Variants in TRMT61B observed in about 807,000 individuals in gnomAD.
The protein encoded by TRMT61B is tRNA (adenine(58)-N(1))-methyltransferase, mitochondrial.
Under a neutral mutation model 52.0 loss-of-function variants are expected in TRMT61B, and 56 were observed. The ratio of observed to expected loss-of-function variants is 1.08; its 90% CI spans 0.87 to 1.35. The LOEUF is 1.35. Among genes scored for constraint, TRMT61B ranks in the 40% most tolerant of loss-of-function variants. The pLI is 0.00. For missense variants in TRMT61B, 650 were observed against 577.9 expected, an observed-to-expected ratio of 1.12 and a Z score of -1.28; for synonymous variants, 206 against 220.0, an observed-to-expected ratio of 0.94 and a Z score of 0.56.
rs1181190438 is a variant in TRMT61B, at chr2:28,865,104, G to A, written c.715C>T (p.Leu239Phe). 1.2e-6 allele frequency: 2 copies of A among 1,604,458 alleles called. No individual in the cohort carries two copies. Among genetic ancestry groups the A allele is most frequent in the Non-Finnish European group, 1.7e-6 (2 of 1,171,688 alleles). Residue 239 changes from leucine to phenylalanine, a missense_variant, in exon 2 of 7, where the codon CTC becomes TTC. By Grantham distance (22) the Leu-to-Phe change is conservative (BLOSUM62 0). Coordinates refer to ENST00000306108, the MANE Select transcript of TRMT61B (RefSeq NM_017910.4). The part of the protein sequence containing the change: ...ITFPKDINMI[L>F]SMMDINPGDT... ...CCTGGGTTGATATCCATCATTGAGAGAATCATATTAATATCCTATGATTGA... is the reference window on the plus strand; with the variant it reads ...CCTGGGTTGATATCCATCATTGAGAAAATCATATTAATATCCTATGATTGA...
Position 28,854,540 on chromosome 2 carries a change from G to A in TRMT61B, c.994-2041C>T, listed in dbSNP as rs1010965110. Among the ~76,000 whole-genome samples, 6 of 152,074 alleles carry A rather than the reference G, an allele frequency of 3.9e-5. 1 individual carries two copies. The highest frequency in any genetic ancestry group is 8.8e-5 in the Non-Finnish European group (6 of 68,020). ...GGATCACCTGAGGTCACGAGTTCAA[G>A]ACCAGCCTGGCCAACACGGCGAAAC... On this transcript the variant is annotated intron_variant, in intron 3 of 6. Transcript: ENST00000306108.
At position 28,850,115 on chromosome 2, in the gene TRMT61B, A is replaced by AATC; in HGVS notation, c.*81_*83dup. 7.4e-7 allele frequency: 1 copy of AATC among 1,348,980 alleles called. No homozygotes were observed. Among genetic ancestry groups the AATC allele is most frequent in the Non-Finnish European group, 1.0e-6 (1 of 961,896 alleles). The allele number at this position is 1,348,980 out of a possible 1,614,324, so 83.6% of individuals were successfully genotyped here. ...AGTCATAGTAATAGCTAAAAATGCCAATCTATGGAAGCAGTGATTTTCAAT... is the reference window on the plus strand; with the variant it reads ...AGTCATAGTAATAGCTAAAAATGCCAATCATCTATGGAAGCAGTGATTTTCAAT... On this transcript the variant is annotated 3_prime_UTR_variant, in exon 7 of 7. Transcript: ENST00000306108.
At chr2:28,865,176 T>A in intron 1 of TRMT61B, 57 bp from the exon 2 acceptor site, 1 of 950,696 alleles carries the variant, frequency 1.1e-6, no homozygotes, top group Non-Finnish European at 1.7e-6. Flanking sequence ...ACTAAGCACC[T>A]AGTCTTATCT....
intron 3 of TRMT61B, 108 bp from the exon 4 acceptor site, chr2:28,852,607 T>C: frequency 1.4e-6 from 1 of 700,512 alleles, no homozygotes; most frequent in Non-Finnish European, 2.4e-6. Flanking sequence ...TCAAAGTATT[T>C]CATTTTTTAG....
In TRMT61B at chr2:28,852,436, C is replaced by T. The variant is rs757220149; in HGVS notation, c.1057G>A (p.Gly353Ser). 6.2e-7 allele frequency: 1 copy of T among 1,610,484 alleles called. No individual in the cohort carries two copies. The highest frequency in any genetic ancestry group is 1.1e-5 in the South Asian group (1 of 90,826). The change falls in exon 4 of 7, where the codon GGT becomes AGT. Residue 353 changes from glycine to serine, a missense_variant. Coordinates refer to ENST00000306108, the MANE Select transcript of TRMT61B (RefSeq NM_017910.4). ...ACTACATATACAGCACATACACCAC[C>T]ATGCTTAAGATGTGGGTAAAAAACA... ...LPVFYPHLKHGGVCAVYVVNI... is the reference protein window; with the variant it reads ...LPVFYPHLKHSGVCAVYVVNI...
At chr2:28,861,424 A>G in intron 2 of TRMT61B, 116 bp from the exon 3 acceptor site, 1 of 818,158 alleles carries the variant, frequency 1.2e-6, no homozygotes, top group Non-Finnish European at 1.8e-6. Flanking sequence ...AAATAGTTCA[A>G]TGTTACAAGT....
chr2:28,857,676 T>C (rs1321086364), intron 3 of TRMT61B, among the ~76,000 whole-genome samples: 2 of 152,196 alleles, frequency 1.3e-5, no homozygotes, highest in African/African-American at 4.8e-5. Flanking sequence ...ATTAAGTGAC[T>C]TACCCAAGGT....
intron 1 of TRMT61B, among the ~76,000 whole-genome samples, chr2:28,868,101 G>GT (rs1216179510): frequency 6.6e-6 from 1 of 152,068 alleles, no homozygotes; most frequent in Non-Finnish European, 1.5e-5. Context: ...TCTGAGGAAA[G>GT]TTTTTTTAGT....
chr2:28,852,138 C>T (rs1329348757), intron 4 of TRMT61B, among the ~76,000 whole-genome samples: 1 of 150,172 alleles, frequency 6.7e-6, no homozygotes, highest in African/African-American at 2.5e-5. Flanking sequence ...ATGGTGAAAC[C>T]CCTTCTCTAC....
intron 2 of TRMT61B, among the ~76,000 whole-genome samples, chr2:28,862,238 A>C (rs897006267): frequency 6.8e-6 from 1 of 147,772 alleles, no homozygotes; most frequent in African/African-American, 2.5e-5. Context: ...GAATACCTGT[A>C]TCTCCATACT....
At chr2:28,861,370 A>T (rs1669592997) in intron 2 of TRMT61B, 62 bp from the exon 3 acceptor site, 1 of 1,361,568 alleles carries the variant, frequency 7.3e-7, no homozygotes. Context: ...AGTGTCAAAA[A>T]TGTATTTTGC....
intron 1 of TRMT61B, among the ~76,000 whole-genome samples, chr2:28,867,959 C>T (rs767534330): frequency 6.6e-6 from 1 of 151,788 alleles, no homozygotes; most frequent in African/African-American, 2.4e-5. Context: ...GGTTGAGGTG[C>T]GAGGATTGTT....
intron 3 of TRMT61B, among the ~76,000 whole-genome samples, chr2:28,855,419 A>G (rs922345709): frequency 1.1e-4 from 16 of 152,220 alleles, no homozygotes; most frequent in Non-Finnish European, 5.9e-5. Flanking sequence ...GCAAGGAAGG[A>G]TGACAGTGGC....
At chr2:28,867,305 G>A (rs139486904) in intron 1 of TRMT61B, among the ~76,000 whole-genome samples, 19 of 151,890 alleles carry the variant, frequency 1.3e-4, no homozygotes, top group African/African-American at 4.1e-4. Context: ...ATGTTGCCCC[G>A]GCTGGTCTCA....
At chr2:28,850,503 T>A (rs1305086963) in intron 5 of TRMT61B, 98 bp from the exon 6 acceptor site, 3 of 769,956 alleles carry the variant, frequency 3.9e-6, no homozygotes, top group Non-Finnish European at 6.2e-6. Flanking sequence ...TATTGTAAGT[T>A]TTTTCTTTAT....
intron 3 of TRMT61B, among the ~76,000 whole-genome samples, chr2:28,859,478 G>A (rs1174540227): frequency 6.6e-6 from 1 of 152,120 alleles, no homozygotes; most frequent in Admixed American, 6.5e-5. Flanking sequence ...ACGTTCTTAA[G>A]AAAAGGAAAT....
At chr2:28,856,020 T>C (rs956767167) in intron 3 of TRMT61B, among the ~76,000 whole-genome samples, 14 of 152,082 alleles carry the variant, frequency 9.2e-5, no homozygotes, top group Non-Finnish European at 1.8e-4. Flanking sequence ...TCAATGACAA[T>C]CAAGGGTCAA....
chr2:28,854,797 G>A (rs902634276), intron 3 of TRMT61B, among the ~76,000 whole-genome samples: 1 of 149,594 alleles, frequency 6.7e-6, no homozygotes, highest in African/African-American at 2.5e-5. Flanking sequence ...GCATGCTCCT[G>A]TGGTTCCAGC....
chr2:28,869,632 A>C lies in TRMT61B; in HGVS notation c.646T>G (p.Leu216Val). 1 of 1,614,150 alleles carries C rather than the reference A, an allele frequency of 6.2e-7. No homozygotes were observed. The highest frequency in any genetic ancestry group is 8.5e-7 in the Non-Finnish European group (1 of 1,180,020). The part of the protein sequence containing the change: ...GKQYMLRRPA[L>V]EDYVVLMKRG... ...TTCATCAATACTACATAGTCTTCCA[A>C]GGCTGGCCTCCTCAGCATGTACTGC... is the stretch of plus-strand genomic sequence containing the variant. The change falls in exon 1 of 7, where the codon TTG becomes GTG. Residue 216 changes from leucine to valine, a missense_variant. By Grantham distance (32) the Leu-to-Val change is conservative. Coordinates refer to ENST00000306108, the MANE Select transcript of TRMT61B (RefSeq NM_017910.4).
Sources: gnomAD v4.1 joint callset for allele counts (sites outside exome capture counted in the v4.1 genomes callset) on GRCh38, gnomAD v4.1.1 for gene constraint, MANE v1.5 for transcripts, NCBI Gene and HGNC (gene_info 2026-07-23, HGNC 2026-07-21) for gene names.